ARHGAP25: variants seen among roughly 807,000 people sequenced by gnomAD.
ARHGAP25 encodes the protein rho GTPase-activating protein 25.
A neutral mutation model predicts 71.0 loss-of-function variants in ARHGAP25; 34 were observed. The observed-to-expected ratio is 0.48, with a 90% CI of 0.36 to 0.64. The LOEUF (loss-of-function observed/expected upper bound fraction) is 0.64. Ranked by LOEUF, ARHGAP25 falls within the 30% of genes least tolerant of loss-of-function variation. ARHGAP25 has a pLI of 0.00. For missense variants in ARHGAP25, 706 were observed against 805.1 expected (o/e 0.88, Z 1.49); for synonymous variants, 282 against 296.5 (o/e 0.95, Z 0.50).
At chr2:68,739,916 A>G (rs1333663303) in intron 1 of ARHGAP25, among the ~76,000 whole-genome samples, 1 of 152,202 alleles carries the variant, frequency 6.6e-6, no homozygotes, top group African/African-American at 2.4e-5. Flanking sequence ...CAAAGAAAAA[A>G]AAAATGATAC....
intron 1 of ARHGAP25, among the ~76,000 whole-genome samples, chr2:68,740,979 A>G (rs1675489833): frequency 6.6e-6 from 1 of 152,254 alleles, no homozygotes; most frequent in Non-Finnish European, 1.5e-5. Flanking sequence ...AATCTGGGGC[A>G]AGTTGCTTAG....
At chr2:68,718,592 T>A (rs1674677368) in intron 2 of ARHGAP25, among the ~76,000 whole-genome samples, 1 of 152,146 alleles carries the variant, frequency 6.6e-6, no homozygotes, top group Admixed American at 6.6e-5. Context: ...GACAGATAGA[T>A]AGGTACATAG....
At position 68,787,967 on chromosome 2, in the gene ARHGAP25, C is replaced by G. The variant is rs757499119; in HGVS notation, c.466+11C>G. On this transcript the variant is annotated intron_variant, in intron 4 of 10. Coordinates refer to ENST00000409202, the MANE Select transcript of ARHGAP25 (RefSeq NM_001007231.3). ...GCACACCCTGTGGAGGTAAGGACCC[C>G]TGCAGGCTTTCCTGGGCAGGTGCCT... is the stretch of plus-strand genomic sequence containing the variant. The G allele has an allele frequency of 3.1e-5, 50 of 1,608,450 alleles. No homozygotes were observed. In the African/African-American group the frequency reaches 6.4e-4, roughly 21 times the overall value.
Position 68,822,413 on chromosome 2 carries a change from T to G in ARHGAP25, c.1274T>G (p.Val425Gly). 1 of 1,614,066 alleles carries G rather than the reference T, an allele frequency of 6.2e-7. No homozygotes were observed. Among genetic ancestry groups the G allele is most frequent in the Admixed American group, 1.7e-5 (1 of 60,018 alleles). The change falls in exon 10 of 11, where the codon GTA becomes GGA. Residue 425 changes from valine to glycine, a missense_variant. By Grantham distance (109) the Val-to-Gly change is moderately radical (BLOSUM62 -3). Coordinates refer to ENST00000409202, the MANE Select transcript of ARHGAP25 (RefSeq NM_001007231.3). ...SDAFPEDSSK[V>G]PREKPGDWKM... ...GCGTTTCCGGAGGACAGCAGCAAAG[T>G]ACCCAGGGAAAAGCCAGGAGACTGG...
At chr2:68,809,392 G>C (rs1680613842) in intron 5 of ARHGAP25, among the ~76,000 whole-genome samples, 1 of 152,146 alleles carries the variant, frequency 6.6e-6, no homozygotes, top group African/African-American at 2.4e-5. Context: ...AATAACTCAA[G>C]ACAGGTCAAC....
intron 5 of ARHGAP25, 107 bp from the exon 6 acceptor site, chr2:68,813,180 C>A: frequency 7.5e-7 from 1 of 1,330,934 alleles, no homozygotes; most frequent in East Asian, 2.6e-5. Context: ...CAAAATTTCC[C>A]TTTGTAATTT....
chr2:68,756,298 C>T (rs1012107976), intron 1 of ARHGAP25, among the ~76,000 whole-genome samples: 1 of 152,204 alleles, frequency 6.6e-6, no homozygotes, highest in Non-Finnish European at 1.5e-5. Context: ...CTACAAATAA[C>T]AGGGATCTAT....
At chr2:68,787,807 T>A in intron 3 of ARHGAP25, 33 bp from the exon 4 acceptor site, 1 of 1,570,178 alleles carries the variant, frequency 6.4e-7, no homozygotes, top group Non-Finnish European at 8.8e-7. Flanking sequence ...CTTATCACTC[T>A]AAGACCTTCA....
intron 3 of ARHGAP25, among the ~76,000 whole-genome samples, chr2:68,784,730 C>T (rs1178729248): frequency 2.0e-5 from 3 of 152,212 alleles, no homozygotes; most frequent in Non-Finnish European, 4.4e-5. Flanking sequence ...GAGCCAAGTA[C>T]TATTGCAGGA....
At chr2:68,749,400 C>T (rs1322741212) in intron 1 of ARHGAP25, among the ~76,000 whole-genome samples, 1 of 152,206 alleles carries the variant, frequency 6.6e-6, no homozygotes, top group African/African-American at 2.4e-5. Flanking sequence ...CAACTGACTG[C>T]ACCGTCAGTC....
chr2:68,765,220 G>A lies in ARHGAP25; in HGVS notation c.62-10001G>A, dbSNP rs77712266. 5.6e-3 allele frequency among the ~76,000 whole-genome samples: 853 copies of A among 152,210 alleles called. 3 individuals carry two copies. The highest frequency in any genetic ancestry group is 9.1e-3 in the Non-Finnish European group (619 of 68,006). ...AGTGACAGTGCAGGGATATGGAGGC[G>A]GATCTGTCTGGGAGGGAATGTGTAC... On this transcript the variant is annotated intron_variant, in intron 1 of 10. Transcript: ENST00000409202.
chr2:68,732,060 G>T (rs181895585), upstream of ARHGAP25, among the ~76,000 whole-genome samples: 670 of 152,304 alleles, frequency 4.4e-3, 10 homozygotes, highest in Non-Finnish European at 2.4e-3. Flanking sequence ...GTTTGCTTGC[G>T]CTACTGCAGA....
At chr2:68,802,678 A>C (rs1361273966) in intron 4 of ARHGAP25, among the ~76,000 whole-genome samples, 1 of 148,668 alleles carries the variant, frequency 6.7e-6, no homozygotes, top group Non-Finnish European at 1.5e-5. Context: ...AATTGCCATT[A>C]GACATTGAAC....
Position 68,807,483 on chromosome 2 carries a change from A to G in ARHGAP25, c.674+3A>G. 1 of 1,613,760 alleles carries G rather than the reference A, an allele frequency of 6.2e-7. No homozygotes were observed. The highest frequency in any genetic ancestry group is 1.3e-5 in the African/African-American group (1 of 75,038). The stretch of plus-strand genomic sequence containing the variant: ...GGGGAGCGGCCCTCCTTTGACAGGT[A>G]CATTGCCCCACTGCAGTGTCCCACC... On this transcript the variant is annotated splice_donor_region_variant and intron_variant, in intron 5 of 10. Coordinates refer to ENST00000409202, the MANE Select transcript of ARHGAP25 (RefSeq NM_001007231.3).
chr2:68,763,528 T>G lies in ARHGAP25; in HGVS notation c.62-11693T>G, dbSNP rs370346803. Among the ~76,000 whole-genome samples the G allele has an allele frequency of 3.9e-5, 6 of 152,350 alleles. No individual in the cohort carries two copies. The East Asian group carries it at 1.2e-3, about 29-fold the overall frequency. ...ACCTAAGAATGTGATCTTCTGTTCT[T>G]TATAACTAACATTTAATATAAACTA... On this transcript the variant is annotated intron_variant, in intron 1 of 10. Coordinates refer to ENST00000409202, the MANE Select transcript of ARHGAP25 (RefSeq NM_001007231.3).
At chr2:68,727,411 G>A (rs1322237232) in intron 2 of ARHGAP25, among the ~76,000 whole-genome samples, 1 of 152,160 alleles carries the variant, frequency 6.6e-6, no homozygotes, top group East Asian at 1.9e-4. Flanking sequence ...AATAGCACCT[G>A]GCACAGTCTC....
At chr2:68,816,421 G>T (rs1016483359) in intron 7 of ARHGAP25, 59 bp downstream of exon 7, 2 of 1,403,450 alleles carry the variant, frequency 1.4e-6, no homozygotes, top group African/African-American at 2.8e-5. Flanking sequence ...GAAGCTCCTA[G>T]TTAGAAGAGG....
At chr2:68,732,753 A>G (rs1048595701), upstream of ARHGAP25, among the ~76,000 whole-genome samples, 9 of 152,222 alleles carry the variant, frequency 5.9e-5, no homozygotes, top group Non-Finnish European at 1.2e-4. Context: ...GTGTTGGCCA[A>G]TGGAATGTGA....
chr2:68,729,417 T>A (rs1030595340), intron 2 of ARHGAP25, among the ~76,000 whole-genome samples: 2 of 152,060 alleles, frequency 1.3e-5, no homozygotes, highest in Non-Finnish European at 2.9e-5. Context: ...CTGAAGAAGA[T>A]CCTAGAGCCA....
Sources: gnomAD v4.1 joint callset for allele counts (sites outside exome capture counted in the v4.1 genomes callset) on GRCh38, gnomAD v4.1.1 for gene constraint, MANE v1.5 for transcripts, NCBI Gene and HGNC (gene_info 2026-07-23, HGNC 2026-07-21) for gene names.